The following SOS1 variants were observed in gnomAD, a reference collection of about 807,000 sequenced individuals.
The protein encoded by SOS1 is SOS Ras/Rac guanine nucleotide exchange factor 1.
A neutral mutation model predicts 157.6 loss-of-function variants in SOS1; 25 were observed. The ratio of observed to expected loss-of-function variants is 0.16; its 90% confidence interval spans 0.12 to 0.22. The LOEUF (loss-of-function observed/expected upper bound fraction) is 0.22, where lower values mean the gene tolerates loss of function less well. Among genes scored for constraint, SOS1 ranks in the 10% least tolerant of loss-of-function variants. SOS1 has a pLI of 1.00. For missense variants in SOS1, 1,237 were observed against 1,599.1 expected (o/e 0.77, Z 3.86); for synonymous variants, 528 against 534.0 (o/e 0.99, Z 0.16).
chr2:39,094,170 CTTTTTCT>C (rs1672689693), intron 1 of SOS1, among the ~76,000 whole-genome samples: 1 of 151,748 alleles, frequency 6.6e-6, no homozygotes, highest in Non-Finnish European at 1.5e-5. Flanking sequence ...ACAGTTTTCT[CTTTTTCT>C]TTTTTCTTTC....
In SOS1 at chr2:38,981,556, C is replaced by CT. The variant is rs1668399571; in HGVS notation, c.*4267dup. ...CATGCAAAAATAATACACTTGTGGG[C>CT]TATGTAAGGCATTTTTCTTTATTAT... On this transcript the variant is annotated 3_prime_UTR_variant, in exon 23 of 23. Coordinates refer to ENST00000402219, the MANE Select transcript of SOS1 (RefSeq NM_005633.4). 1 of 152,006 alleles carries CT rather than the reference C, an allele frequency of 6.6e-6. No individual in the cohort carries two copies. The highest frequency in any genetic ancestry group is 1.5e-5 in the Non-Finnish European group (1 of 68,000). 9.4% of individuals were successfully genotyped at this position (152,006 alleles called of 1,614,324 possible).
chr2:39,100,064 T>C (rs1234571684), intron 1 of SOS1, among the ~76,000 whole-genome samples: 2 of 152,144 alleles, frequency 1.3e-5, no homozygotes, highest in South Asian at 2.1e-4. Context: ...AACAGGTATA[T>C]GAAAAGGTAC....
At chr2:39,006,977 A>T in intron 16 of SOS1, 54 bp downstream of exon 16, 1 of 1,190,844 alleles carries the variant, frequency 8.4e-7, no homozygotes, top group Non-Finnish European at 1.3e-6. Context: ...TTAAAAATCT[A>T]ATTTTTCTAA....
intron 8 of SOS1, among the ~76,000 whole-genome samples, chr2:39,033,467 A>C (rs1670238227): frequency 6.6e-6 from 1 of 152,138 alleles, no homozygotes; most frequent in African/African-American, 2.4e-5. Flanking sequence ...TATATTATTA[A>C]GATGATTGGG....
intron 14 of SOS1, 44 bp from the exon 15 acceptor site, chr2:39,010,747 A>G (rs750680312): frequency 5.4e-6 from 8 of 1,488,808 alleles, no homozygotes; most frequent in East Asian, 2.3e-5. Flanking sequence ...TTTTTTCTCT[A>G]ATATAGACAT....
At chr2:39,057,873 A>G (rs1169737622) in intron 3 of SOS1, among the ~76,000 whole-genome samples, 2 of 130,952 alleles carry the variant, frequency 1.5e-5, no homozygotes, top group African/African-American at 3.0e-5. Flanking sequence ...GACAACATCA[A>G]GCAAACCTGA....
At chr2:39,124,666 T>C (rs1364574605), upstream of SOS1, among the ~76,000 whole-genome samples, 2 of 152,262 alleles carry the variant, frequency 1.3e-5, no homozygotes, top group African/African-American at 4.8e-5. Context: ...CTACTTACTT[T>C]TCTGTTCAAG....
At chr2:39,080,031 T>C (rs549420673) in intron 1 of SOS1, among the ~76,000 whole-genome samples, 10 of 152,048 alleles carry the variant, frequency 6.6e-5, no homozygotes, top group African/African-American at 2.2e-4. Context: ...GTGGGGAGGA[T>C]GGTTTCGGGA....
chr2:39,092,070 G>A lies in SOS1; in HGVS notation c.88-24317C>T, dbSNP rs139609397. Among the ~76,000 whole-genome samples, 268 of 152,142 alleles carry A rather than the reference G, an allele frequency of 1.8e-3. 2 individuals carry two copies. The highest frequency in any genetic ancestry group is 5.8e-3 in the African/African-American group (242 of 41,512). On this transcript the variant is annotated intron_variant, in intron 1 of 22. Coordinates refer to ENST00000402219, the MANE Select transcript of SOS1 (RefSeq NM_005633.4). ...TAACTTAAGTTTATGTCACTCCTTC[G>A]CCTAAAATCCTTGAGTGTTCTACTA...
chr2:39,114,621 T>C (rs1359484473), intron 1 of SOS1, among the ~76,000 whole-genome samples: 1 of 152,016 alleles, frequency 6.6e-6, no homozygotes, highest in Non-Finnish European at 1.5e-5. Context: ...TTGTTTCTTT[T>C]TGAAACAGAG....
At chr2:39,059,578 A>G (rs1671331103) in intron 2 of SOS1, among the ~76,000 whole-genome samples, 1 of 152,186 alleles carries the variant, frequency 6.6e-6, no homozygotes, top group Non-Finnish European at 1.5e-5. Flanking sequence ...ACTTTTACAC[A>G]TGTGTTTTGA....
chr2:39,040,289 T>A (rs2124573392), intron 6 of SOS1, among the ~76,000 whole-genome samples: 1 of 152,344 alleles, frequency 6.6e-6, no homozygotes, highest in African/African-American at 2.4e-5. Flanking sequence ...AGTGCTGGGA[T>A]TACAGGCATG....
At chr2:39,074,873 G>GA (rs200642538) in intron 1 of SOS1, among the ~76,000 whole-genome samples, 1,997 of 109,028 alleles carry the variant, frequency 0.018, 20 homozygotes, top group Middle Eastern at 0.057. Context: ...GCCTCAACAG[G>GA]AAAAAAAAAA....
At chr2:39,122,443 AAT>A (rs779997776), upstream of SOS1, among the ~76,000 whole-genome samples, 226 of 58,530 alleles carry the variant, frequency 3.9e-3, 1 homozygote, top group Middle Eastern at 6.0e-3. Context: ...TTCAAAAAAA[AAT>A]ATACACACAC....
chr2:39,095,923 G>T (rs541321586), intron 1 of SOS1, among the ~76,000 whole-genome samples: 1 of 152,302 alleles, frequency 6.6e-6, no homozygotes, highest in East Asian at 1.9e-4. Context: ...TCTTTTTAGT[G>T]TTTAATAGCA....
upstream of SOS1, among the ~76,000 whole-genome samples, chr2:39,122,114 C>G (rs1048206512): frequency 3.9e-5 from 6 of 152,178 alleles, no homozygotes; most frequent in South Asian, 2.1e-4. Context: ...GGAAAAACAA[C>G]TCTTAGGTTA....
At chr2:39,122,736 G>C (rs185922795), upstream of SOS1, among the ~76,000 whole-genome samples, 183 of 152,166 alleles carry the variant, frequency 1.2e-3, 1 homozygote, top group African/African-American at 4.3e-3. Context: ...ATTAGAGATG[G>C]GGTTTCACTG....
intron 1 of SOS1, among the ~76,000 whole-genome samples, chr2:39,115,265 T>C (rs1473623472): frequency 6.6e-6 from 1 of 152,178 alleles, no homozygotes; most frequent in Non-Finnish European, 1.5e-5. Context: ...CAACCACTGA[T>C]CTGCACTAGT....
intron 1 of SOS1, among the ~76,000 whole-genome samples, chr2:39,097,830 G>A (rs1672825370): frequency 6.6e-6 from 1 of 152,182 alleles, no homozygotes; most frequent in Non-Finnish European, 1.5e-5. Flanking sequence ...CTCCCAAAGT[G>A]CTGGGATTAC....
Sources: gnomAD v4.1 joint callset for allele counts (sites outside exome capture counted in the v4.1 genomes callset) on GRCh38, gnomAD v4.1.1 for gene constraint, MANE v1.5 for transcripts, NCBI Gene and HGNC (gene_info 2026-07-23, HGNC 2026-07-21) for gene names.